The following SYCP1 variants were observed in gnomAD, a reference collection of about 807,000 sequenced individuals.
SYCP1 encodes cancer/testis antigen 8.
In SYCP1, 64 loss-of-function variants were observed where a neutral mutation model predicts 153.1. The ratio of observed to expected loss-of-function variants is 0.42; its 90% CI spans 0.34 to 0.51. The LOEUF (loss-of-function observed/expected upper bound fraction) is 0.51, where lower values mean the gene tolerates loss of function less well. SYCP1 is among the 20% of genes least tolerant of loss of function. The pLI is 0.06. For missense variants in SYCP1, 997 were observed against 1,049.0 expected, an observed-to-expected ratio of 0.95 and a Z score of 0.68; for synonymous variants, 384 against 341.8, an observed-to-expected ratio of 1.12 and a Z score of -1.36.
At chr1:114,857,140 A>ATC (rs1664033122) in intron 3 of SYCP1, 92 bp from the exon 4 acceptor site, 1 of 669,042 alleles carries the variant, frequency 1.5e-6, no homozygotes, top group Non-Finnish European at 2.1e-6. Flanking sequence ...CTCTCTCAAA[A>ATC]AAAAAAAAAA....
chr1:114,968,879 G>C (rs1479449948), intron 27 of SYCP1, among the ~76,000 whole-genome samples: 1 of 152,214 alleles, frequency 6.6e-6, no homozygotes, highest in Non-Finnish European at 1.5e-5. Context: ...CATCCTTTTA[G>C]TTGATGTTGA....
At chr1:114,975,932 T>C (rs1672768433) in intron 27 of SYCP1, among the ~76,000 whole-genome samples, 1 of 151,772 alleles carries the variant, frequency 6.6e-6, no homozygotes, top group African/African-American at 2.4e-5. Context: ...GTTCAAACTA[T>C]ATTCTTAGAA....
intron 30 of SYCP1, among the ~76,000 whole-genome samples, chr1:114,991,120 T>C (rs1438627433): frequency 6.6e-6 from 1 of 151,944 alleles, no homozygotes; most frequent in African/African-American, 2.4e-5. Context: ...TCAATTAATA[T>C]TAAAATTGTG....
chr1:114,856,310 C>T (rs1663936733), intron 2 of SYCP1, among the ~76,000 whole-genome samples: 1 of 152,030 alleles, frequency 6.6e-6, no homozygotes, highest in African/African-American at 2.4e-5. Context: ...GTTAGATTTA[C>T]TATTATTCTC....
chr1:114,931,043 G>T lies in SYCP1; in HGVS notation c.1926+4480G>T, dbSNP rs112640222. Among the ~76,000 whole-genome samples the T allele has an allele frequency of 3.7e-3, 567 of 151,794 alleles. 5 individuals are homozygous for T. The highest frequency in any genetic ancestry group is 0.013 in the African/African-American group (538 of 41,446). On this transcript the variant is annotated intron_variant, in intron 23 of 31. Transcript: ENST00000369522. The stretch of plus-strand genomic sequence containing the variant: ...GAAAAATAATATAATTATCTCAATA[G>T]TTGCAGAAAGGCATTTGACAGAATT...
upstream of SYCP1, among the ~76,000 whole-genome samples, chr1:114,854,501 C>T (rs775582574): frequency 6.6e-6 from 1 of 152,206 alleles, no homozygotes; most frequent in African/African-American, 2.4e-5. Flanking sequence ...ATCTGTGGAG[C>T]TTCTCCTGAC....
chr1:114,935,463 T>C (rs1246416273), intron 23 of SYCP1, among the ~76,000 whole-genome samples: 1 of 152,162 alleles, frequency 6.6e-6, no homozygotes, highest in Non-Finnish European at 1.5e-5. Flanking sequence ...AGGAAAGATC[T>C]AAAATTGACA....
At position 114,900,758 on chromosome 1, in the gene SYCP1, T is replaced by G. The variant is rs181947266; in HGVS notation, c.1320+5249T>G. Among the ~76,000 whole-genome samples, 271 of 152,332 alleles carry G rather than the reference T, an allele frequency of 1.8e-3. 4 individuals are homozygous for G. The highest frequency in any genetic ancestry group is 5.4e-4 in the Non-Finnish European group (37 of 68,028). ...TAGGAGCAGCTAAGGTTTGACTTCT[T>G]CCTGCATAATTAAGGGTGTGGTTAG... On this transcript the variant is annotated intron_variant, in intron 16 of 31. Coordinates refer to ENST00000369522, the MANE Select transcript of SYCP1 (RefSeq NM_003176.4).
chr1:114,981,945 T>C (rs768679704), intron 29 of SYCP1, among the ~76,000 whole-genome samples: 7 of 152,066 alleles, frequency 4.6e-5, no homozygotes, highest in Non-Finnish European at 8.8e-5. Context: ...TTCCCTTTGC[T>C]GTTTACCCCA....
intron 30 of SYCP1, among the ~76,000 whole-genome samples, chr1:114,986,845 A>G (rs963381876): frequency 9.2e-5 from 14 of 151,966 alleles, no homozygotes; most frequent in African/African-American, 2.7e-4. Flanking sequence ...TCCAGGGGAA[A>G]GGTTAGCTGG....
chr1:114,900,214 CTTTAT>C (rs1218573086), intron 16 of SYCP1, among the ~76,000 whole-genome samples: 1 of 152,078 alleles, frequency 6.6e-6, no homozygotes, highest in South Asian at 2.1e-4. Flanking sequence ...GAACTTTTAA[CTTTAT>C]TTTATCTAAT....
chr1:114,875,987 T>C, intron 9 of SYCP1, 82 bp from the exon 10 acceptor site: 1 of 865,018 alleles, frequency 1.2e-6, no homozygotes, highest in Non-Finnish European at 1.7e-6. Context: ...GATCACATGA[T>C]ACAAATTTGG....
intron 27 of SYCP1, among the ~76,000 whole-genome samples, chr1:114,955,242 C>T (rs915649158): frequency 6.6e-6 from 1 of 151,580 alleles, no homozygotes; most frequent in Non-Finnish European, 1.5e-5. Flanking sequence ...AGAATAAATC[C>T]CATTTGGTGT....
intron 11 of SYCP1, among the ~76,000 whole-genome samples, 185 bp from the exon 12 acceptor site, chr1:114,877,909 A>T (rs574374615): frequency 6.6e-6 from 1 of 152,284 alleles, no homozygotes; most frequent in Non-Finnish European, 1.5e-5. Context: ...ACTGTCTCTT[A>T]CAAAGATAAT....
chr1:114,952,427 A>C (rs937765412), intron 27 of SYCP1, among the ~76,000 whole-genome samples: 3 of 152,142 alleles, frequency 2.0e-5, no homozygotes, highest in Non-Finnish European at 4.4e-5. Flanking sequence ...GTCTATTCTC[A>C]TGCTGCCAAT....
At chr1:114,958,981 T>C (rs1671614588) in intron 27 of SYCP1, among the ~76,000 whole-genome samples, 1 of 151,790 alleles carries the variant, frequency 6.6e-6, no homozygotes, top group Non-Finnish European at 1.5e-5. Context: ...CTTTATATGA[T>C]GTACTATTTG....
At chr1:114,927,161 TTAA>T (rs1321424160) in intron 23 of SYCP1, among the ~76,000 whole-genome samples, 2 of 151,362 alleles carry the variant, frequency 1.3e-5, no homozygotes, top group African/African-American at 4.8e-5. Flanking sequence ...ATACCTTATT[TTAA>T]TAATATTTGA....
chr1:114,893,966 T>C (rs998374335), intron 15 of SYCP1, among the ~76,000 whole-genome samples: 2 of 145,398 alleles, frequency 1.4e-5, no homozygotes, highest in African/African-American at 5.0e-5. Flanking sequence ...GTGTGAGTTG[T>C]TTTTTTTTTT....
intron 15 of SYCP1, among the ~76,000 whole-genome samples, chr1:114,889,183 T>A (rs1463498663): frequency 2.0e-5 from 3 of 152,218 alleles, no homozygotes; most frequent in Non-Finnish European, 4.4e-5. Context: ...CATGTGTCTT[T>A]ATAGTAGCAT....
Sources: gnomAD v4.1 joint callset for allele counts (sites outside exome capture counted in the v4.1 genomes callset) on GRCh38, gnomAD v4.1.1 for gene constraint, MANE v1.5 for transcripts, NCBI Gene and HGNC (gene_info 2026-07-23, HGNC 2026-07-21) for gene names.